Variants in CNTN5 observed in about 807,000 individuals in gnomAD.
CNTN5 encodes the protein contactin-5.
In CNTN5, 77 loss-of-function variants were observed where a neutral mutation model predicts 129.1. The ratio of observed to expected loss-of-function variants is 0.60; its 90% CI spans 0.50 to 0.72. CNTN5 has a LOEUF of 0.72. Ranked by LOEUF, CNTN5 falls within the 30% of genes least tolerant of loss-of-function variation. The pLI, the probability that CNTN5 is intolerant of heterozygous loss-of-function variation, is 0.00. For synonymous variants in CNTN5, 509 were observed against 465.6 expected (o/e 1.09, Z -1.20); for missense variants, 1,478 against 1,328.8 (o/e 1.11, Z -1.75).
intron 1 of CNTN5, among the ~76,000 whole-genome samples, chr11:99,296,546 A>G (rs1864398184): frequency 1.3e-5 from 2 of 152,334 alleles, no homozygotes; most frequent in Non-Finnish European, 2.9e-5. Context: ...TGACAATTGA[A>G]TAAAATCTCT....
In CNTN5 at chr11:99,898,522, T is replaced by A. The variant is rs528891535; in HGVS notation, c.578-17532T>A. Among the ~76,000 whole-genome samples, 61 of 152,178 alleles carry A rather than the reference T, an allele frequency of 4.0e-4. No individual in the cohort carries two copies. The Middle Eastern group carries it at 0.01, about 25-fold the overall frequency. On this transcript the variant is annotated intron_variant, in intron 6 of 24. Coordinates refer to ENST00000524871, the MANE Select transcript of CNTN5 (RefSeq NM_014361.4). ...TAAGCTCACTTATTCATTCACTCAA[T>A]CACTGCTTCTTTCAACAAATATAAA...
intron 3 of CNTN5, among the ~76,000 whole-genome samples, chr11:99,649,829 GA>G (rs1952090323): frequency 6.6e-6 from 1 of 151,670 alleles, no homozygotes; most frequent in Non-Finnish European, 1.5e-5. Context: ...AAGGTTATCT[GA>G]AGTATTGCCA....
chr11:100,229,320 A>T (rs1949444800), intron 16 of CNTN5, among the ~76,000 whole-genome samples: 1 of 152,218 alleles, frequency 6.6e-6, no homozygotes, highest in Admixed American at 6.5e-5. Flanking sequence ...TTCTATCATC[A>T]TAAGATAGAT....
intron 18 of CNTN5, among the ~76,000 whole-genome samples, chr11:100,277,608 T>C (rs1024690320): frequency 1.3e-5 from 2 of 152,144 alleles, no homozygotes; most frequent in Admixed American, 6.5e-5. Flanking sequence ...CTCAGACTTA[T>C]ATGTCTTCTT....
At chr11:99,804,360 A>T (rs991853608) in intron 3 of CNTN5, among the ~76,000 whole-genome samples, 1 of 152,064 alleles carries the variant, frequency 6.6e-6, no homozygotes, top group African/African-American at 2.4e-5. Context: ...CAAAAACATA[A>T]TGTGATATTT....
chr11:99,915,855 C>A (rs1949775376), intron 6 of CNTN5, among the ~76,000 whole-genome samples, 199 bp from the exon 7 acceptor site: 2 of 152,182 alleles, frequency 1.3e-5, no homozygotes, highest in African/African-American at 4.8e-5. Context: ...TGTGGTTTTT[C>A]TATGGGTGGT....
intron 1 of CNTN5, among the ~76,000 whole-genome samples, chr11:99,073,645 C>T (rs1010510267): frequency 7.9e-5 from 12 of 151,678 alleles, no homozygotes; most frequent in South Asian, 2.1e-4. Context: ...TGAAAACACG[C>T]GGTGTTTGGT....
At chr11:100,016,062 T>C (rs892497726) in intron 9 of CNTN5, among the ~76,000 whole-genome samples, 1 of 152,140 alleles carries the variant, frequency 6.6e-6, no homozygotes, top group African/African-American at 2.4e-5. Context: ...CTTTCTCTTA[T>C]GTCTCTGATG....
At chr11:100,066,465 C>A (rs141787536) in intron 10 of CNTN5, among the ~76,000 whole-genome samples, 1 of 152,054 alleles carries the variant, frequency 6.6e-6, no homozygotes, top group Non-Finnish European at 1.5e-5. Flanking sequence ...TTTCTAATGA[C>A]AAGAGATAAT....
intron 4 of CNTN5, among the ~76,000 whole-genome samples, chr11:99,837,203 T>C (rs1947334688): frequency 2.0e-5 from 3 of 152,220 alleles, no homozygotes; most frequent in African/African-American, 7.2e-5. Flanking sequence ...GATGATGATA[T>C]ACAGTTCAAT....
intron 1 of CNTN5, among the ~76,000 whole-genome samples, chr11:99,156,248 A>G (rs1447923554): frequency 6.6e-6 from 1 of 152,060 alleles, no homozygotes; most frequent in Non-Finnish European, 1.5e-5. Flanking sequence ...CAAGAGAAAC[A>G]AATAAGAAAT....
At chr11:99,686,434 C>A (rs892132539) in intron 3 of CNTN5, among the ~76,000 whole-genome samples, 3 of 151,806 alleles carry the variant, frequency 2.0e-5, no homozygotes, top group Admixed American at 1.3e-4. Flanking sequence ...TATATTAGTT[C>A]TTTGATACAG....
chr11:99,981,098 A>ATATATATATATATATATATATT lies in CNTN5; in HGVS notation c.878-20930_878-20929insTATATATATATATATTTATATA, dbSNP rs1160392030. 1.8e-3 allele frequency among the ~76,000 whole-genome samples: 111 copies of ATATATATATATATATATATATT among 60,630 alleles called. 1 individual carries two copies. Among genetic ancestry groups the ATATATATATATATATATATATT allele is most frequent in the Non-Finnish European group, 2.5e-3 (80 of 31,552 alleles). The allele number at this position is 60,630 out of a possible 152,430, so 39.8% of individuals were successfully genotyped here. A position where few individuals can be genotyped will look rare whatever the true frequency, so the allele number is the denominator to read the frequency against. On this transcript the variant is annotated intron_variant, in intron 8 of 24. Transcript: ENST00000524871. Reference sequence around the variant, plus strand: ...ATAGGATATATATATATATATATATATATATACACACACACACACATATAT... The same window carrying ATATATATATATATATATATATT: ...ATAGGATATATATATATATATATATATATATATATATATATATATATTTATATACACACACACACACATATAT...
intron 3 of CNTN5, among the ~76,000 whole-genome samples, chr11:99,792,147 T>G (rs1945766945): frequency 6.6e-6 from 1 of 152,110 alleles, no homozygotes; most frequent in African/African-American, 2.4e-5. Context: ...TTAATAGGAA[T>G]GGTGAAAATG....
At position 99,949,349 on chromosome 11, in the gene CNTN5, G is replaced by T. The variant is rs1038159927; in HGVS notation, c.674-7457G>T. ...GGAACGACTCCACAGCCTTTCAGTA[G>T]TTCTCCATATATATCTTTTTTTAAG... is the stretch of plus-strand genomic sequence containing the variant. On this transcript the variant is annotated intron_variant, in intron 7 of 24. Transcript: ENST00000524871. Among the ~76,000 whole-genome samples, 5 of 152,238 alleles carry T rather than the reference G, an allele frequency of 3.3e-5. No individual in the cohort carries two copies. The East Asian group carries it at 9.7e-4, about 29-fold the overall frequency.
chr11:99,857,997 A>G (rs1948091990), intron 6 of CNTN5, among the ~76,000 whole-genome samples: 1 of 152,128 alleles, frequency 6.6e-6, no homozygotes, highest in African/African-American at 2.4e-5. Context: ...GCCAGTGCTT[A>G]AAGTGTCTAC....
chr11:99,715,166 A>C (rs964974872), intron 3 of CNTN5, among the ~76,000 whole-genome samples: 1 of 152,012 alleles, frequency 6.6e-6, no homozygotes, highest in Non-Finnish European at 1.5e-5. Context: ...TAGCAGAGGA[A>C]AGGAAAGAGC....
At chr11:99,894,871 C>T (rs575071774) in intron 6 of CNTN5, among the ~76,000 whole-genome samples, 69 of 152,264 alleles carry the variant, frequency 4.5e-4, no homozygotes, top group African/African-American at 1.6e-3. Context: ...GCTCTGCTTA[C>T]TGAAAAAACA....
At chr11:99,437,309 C>T (rs2656163) in intron 2 of CNTN5, among the ~76,000 whole-genome samples, 149,564 of 152,268 alleles carry the variant, frequency 0.98, 73,512 homozygotes, top group East Asian at 1. Context: ...GTGGTTTTGC[C>T]GCTTTATGTT....
Sources: gnomAD v4.1 joint callset for allele counts (sites outside exome capture counted in the v4.1 genomes callset) on GRCh38, gnomAD v4.1.1 for gene constraint, MANE v1.5 for transcripts, NCBI Gene and HGNC (gene_info 2026-07-23, HGNC 2026-07-21) for gene names.